The following PDRG1 variants were observed in gnomAD, a reference collection of about 807,000 sequenced individuals.
PDRG1 encodes the protein p53 and DNA damage regulated 1.
PDRG1 carries 14 observed loss-of-function variants against 18.4 expected under a neutral mutation model. That is an observed-to-expected ratio of 0.76 (90% CI 0.50 to 1.19). The LOEUF (loss-of-function observed/expected upper bound fraction) is 1.19. Among genes scored for constraint, PDRG1 ranks in the 50% most tolerant of loss-of-function variants. The probability of loss-of-function intolerance (pLI) is 0.00; values close to 1 mark genes in which losing one functional copy is unlikely to be tolerated. For synonymous variants in PDRG1, 65 were observed against 60.9 expected (o/e 1.07, Z -0.31); for missense variants, 177 against 160.1 (o/e 1.11, Z -0.57).
In PDRG1 at chr20:31,951,980, T is replaced by C. The variant is rs1275089108; in HGVS notation, c.-19A>G. 6.5e-7 allele frequency: 1 copy of C among 1,539,432 alleles called. No homozygotes were observed. The highest frequency in any genetic ancestry group is 1.4e-5 in the African/African-American group (1 of 71,010). ...ATAGCATAGCGCCCACCAACTCCGCTTGCGGCTCTCGCGCGACCCCGGGAT... is the reference window on the plus strand; with the variant it reads ...ATAGCATAGCGCCCACCAACTCCGCCTGCGGCTCTCGCGCGACCCCGGGAT... On this transcript the variant is annotated 5_prime_UTR_variant, in exon 1 of 5. Transcript: ENST00000202017.
At chr20:31,946,801 C>A (rs2064322092) in intron 3 of PDRG1, among the ~76,000 whole-genome samples, 1 of 152,220 alleles carries the variant, frequency 6.6e-6, no homozygotes, top group Non-Finnish European at 1.5e-5. Context: ...ATTACACTGG[C>A]CTTTTCTGCA....
At chr20:31,950,517 ATG>A (rs527841529) in intron 1 of PDRG1, 130 bp from the exon 2 acceptor site, 155 of 673,398 alleles carry the variant, frequency 2.3e-4, no homozygotes, top group Non-Finnish European at 4.7e-5. Flanking sequence ...AAATGGATTG[ATG>A]TGTGAATGTA....
At chr20:31,951,162 C>T (rs2064349324) in intron 1 of PDRG1, among the ~76,000 whole-genome samples, 1 of 152,110 alleles carries the variant, frequency 6.6e-6, no homozygotes. Flanking sequence ...AATACCTGAC[C>T]CTTCTAACTG....
intron 1 of PDRG1, among the ~76,000 whole-genome samples, chr20:31,950,962 T>C (rs1266720537): frequency 6.6e-6 from 1 of 152,178 alleles, no homozygotes; most frequent in East Asian, 1.9e-4. Context: ...TCCTATTTAC[T>C]CCTCCTCAAA....
chr20:31,948,960 G>C (rs1408689156), intron 2 of PDRG1, 78 bp from the exon 3 acceptor site: 1 of 1,367,700 alleles, frequency 7.3e-7, no homozygotes, highest in Non-Finnish European at 1.0e-6. Context: ...TTTAGATACA[G>C]ACAACAGAGC....
At chr20:31,951,823 C>G in intron 1 of PDRG1, 52 bp downstream of exon 1, 1 of 1,520,038 alleles carries the variant, frequency 6.6e-7, no homozygotes, top group Non-Finnish European at 8.8e-7. Flanking sequence ...ACCCCGCGCG[C>G]TTTCCCACGG....
intron 3 of PDRG1, 70 bp downstream of exon 3, chr20:31,948,738 C>G: frequency 7.0e-7 from 1 of 1,418,772 alleles, no homozygotes; most frequent in Non-Finnish European, 9.7e-7. Context: ...GCCTGACTCC[C>G]TGTTCTGGGT....
chr20:31,948,846 T>C lies in PDRG1; in HGVS notation c.200A>G (p.Lys67Arg). Reference protein sequence around the residue: ...VMVCFGNMFIKMPHPETKEMI... With the variant: ...VMVCFGNMFIRMPHPETKEMI... ...TTCCTTTGTCTCAGGGTGAGGCATC[T>C]TGATAAACATGTTCCCGAAGCAAAC... The change falls in exon 3 of 5, where the codon AAG (lysine) becomes AGG (arginine). Residue 67 changes from lysine (K) to arginine (R), a missense_variant. Lys to Arg is a conservative substitution (Grantham distance 26, BLOSUM62 2). Transcript: ENST00000202017. 1 of 1,614,076 alleles carries C rather than the reference T, an allele frequency of 6.2e-7. No individual in the cohort carries two copies. The highest frequency in any genetic ancestry group is 8.5e-7 in the Non-Finnish European group (1 of 1,179,984).
intron 1 of PDRG1, 116 bp downstream of exon 1, chr20:31,951,759 C>G (rs887467817): frequency 2.7e-6 from 3 of 1,124,404 alleles, no homozygotes; most frequent in Non-Finnish European, 3.7e-6. Context: ...TATTTATCGG[C>G]CCAGGTCTGT....
At chr20:31,947,788 G>C (rs918484764) in intron 3 of PDRG1, among the ~76,000 whole-genome samples, 1 of 152,138 alleles carries the variant, frequency 6.6e-6, no homozygotes, top group African/African-American at 2.4e-5. Flanking sequence ...TAATCAGGAG[G>C]CTGAGGCAGG....
chr20:31,946,153 A>C (rs147082243), intron 4 of PDRG1, among the ~76,000 whole-genome samples: 2 of 152,282 alleles, frequency 1.3e-5, no homozygotes, highest in Non-Finnish European at 2.9e-5. Context: ...TGCATTTATC[A>C]AGAATTTCAG....
Position 31,951,909 on chromosome 20 carries a change from T to C in PDRG1, c.53A>G (p.Glu18Gly). 6.3e-7 allele frequency: 1 copy of C among 1,592,922 alleles called. No individual in the cohort carries two copies. The highest frequency in any genetic ancestry group is 1.7e-5 in the Admixed American group (1 of 57,566). Residue 18 changes from glutamate (E) to glycine (G), a missense_variant, in exon 1 of 5, where the codon GAG becomes GGG. Glu to Gly is a moderately conservative substitution (Grantham distance 98). Transcript: ENST00000202017. ...GTCCGCCAGCACCTCCTCGGCGAGC[T>C]CCTCCACTTCTACAAGGTACCGCAG... ...RVLRYLVEVE[E>G]LAEEVLADKR... is the part of the protein sequence containing the mutation.
In PDRG1 at chr20:31,945,991, C is replaced by T. The variant is rs1600644140; in HGVS notation, c.320-102G>A. On this transcript the variant is annotated intron_variant, in intron 4 of 4. Coordinates refer to ENST00000202017, the MANE Select transcript of PDRG1 (RefSeq NM_030815.3). ...CTGCACTAATGCTGCCAAACTCAGC[C>T]TGGAGGTCTGGCAGGGATGGGCCTC... is the stretch of plus-strand genomic sequence containing the variant. 25 of 926,074 alleles carry T rather than the reference C, an allele frequency of 2.7e-5. 1 individual carries two copies. The South Asian group carries it at 3.9e-4, about 14-fold the overall frequency. 57.4% of individuals were successfully genotyped at this position (926,074 alleles called of 1,614,324 possible). A position where few individuals can be genotyped will look rare whatever the true frequency, so the allele number is the denominator to read the frequency against.
At chr20:31,951,100 G>A (rs1050690501) in intron 1 of PDRG1, among the ~76,000 whole-genome samples, 2 of 152,154 alleles carry the variant, frequency 1.3e-5, no homozygotes, top group Non-Finnish European at 2.9e-5. Flanking sequence ...AGCACACCCT[G>A]ATCCAGTACT....
In PDRG1 at chr20:31,946,535, G is replaced by A. The variant is rs1160053384; in HGVS notation, c.280C>T (p.Gln94Ter). ...LDKEIEKLRK[Q>*]LKVKVNRLFE... ...AGGCGGTTGACCTTCACTTTAAGTTGCTTCCGCAGTTTTTCTATTTCTTTA... is the reference window on the plus strand; with the variant it reads ...AGGCGGTTGACCTTCACTTTAAGTTACTTCCGCAGTTTTTCTATTTCTTTA... Residue 94 changes from glutamine (Q) to a stop codon, truncating the protein, a stop_gained, in exon 4 of 5, where the codon CAA becomes TAA. Transcript: ENST00000202017. LOFTEE classifies it high-confidence loss of function. 1.2e-6 allele frequency: 2 copies of A among 1,613,448 alleles called. No individual in the cohort carries two copies. Among genetic ancestry groups the A allele is most frequent in the African/African-American group, 1.3e-5 (1 of 74,892 alleles).
intron 2 of PDRG1, 49 bp from the exon 3 acceptor site, chr20:31,948,931 A>C (rs1568862763): frequency 6.5e-7 from 1 of 1,543,892 alleles, no homozygotes; most frequent in South Asian, 1.1e-5. Context: ...TTGAGTACCT[A>C]TTATCTGCCA....
Position 31,945,605 on chromosome 20 carries a change from C to T in PDRG1, c.*202G>A. 1 of 507,286 alleles carries T rather than the reference C, an allele frequency of 2.0e-6. No individual in the cohort carries two copies. Among genetic ancestry groups the T allele is most frequent in the African/African-American group, 2.0e-5 (1 of 50,926 alleles). 31.4% of individuals were successfully genotyped at this position (507,286 alleles called of 1,614,324 possible). A position where few individuals can be genotyped will look rare whatever the true frequency, so the allele number is the denominator to read the frequency against. Reference sequence around the variant, plus strand: ...CTTGTGTCCACCGAGCCCTGGTGTCCAGGTCCAGCAGCCAGACAGGCTGAA... The same window carrying T: ...CTTGTGTCCACCGAGCCCTGGTGTCTAGGTCCAGCAGCCAGACAGGCTGAA... On this transcript the variant is annotated 3_prime_UTR_variant, in exon 5 of 5. Coordinates refer to ENST00000202017, the MANE Select transcript of PDRG1 (RefSeq NM_030815.3).
rs2064286456 is a variant in PDRG1, at chr20:31,944,560, A to C, written c.*1247T>G. The stretch of plus-strand genomic sequence containing the variant: ...GCCTTCCCCTTGCTTTCCTCACTTG[A>C]TGTATCTTGGAGCTTGTTCCTTATT... On this transcript the variant is annotated 3_prime_UTR_variant, in exon 5 of 5. Coordinates refer to ENST00000202017, the MANE Select transcript of PDRG1 (RefSeq NM_030815.3). 1 of 152,198 alleles carries C rather than the reference A, an allele frequency of 6.6e-6. No individual in the cohort carries two copies. The highest frequency in any genetic ancestry group is 2.1e-4 in the South Asian group (1 of 4,832). 9.4% of individuals were successfully genotyped at this position (152,198 alleles called of 1,614,324 possible). A position where few individuals can be genotyped will look rare whatever the true frequency, so the allele number is the denominator to read the frequency against.
At chr20:31,946,047 C>T (rs2064314784) in intron 4 of PDRG1, among the ~76,000 whole-genome samples, 158 bp from the exon 5 acceptor site, 1 of 152,302 alleles carries the variant, frequency 6.6e-6, no homozygotes, top group South Asian at 2.1e-4. Flanking sequence ...TGAGGCATCA[C>T]CACTGCTCCT....
Sources: gnomAD v4.1 joint callset for allele counts (sites outside exome capture counted in the v4.1 genomes callset) on GRCh38, gnomAD v4.1.1 for gene constraint, MANE v1.5 for transcripts, NCBI Gene and HGNC (gene_info 2026-07-23, HGNC 2026-07-21) for gene names.